Variants in TMEM132C observed in about 807,000 individuals in gnomAD.
TMEM132C encodes protein phosphatase 1, regulatory subunit 152.
In TMEM132C, 29 loss-of-function variants were observed where a neutral mutation model predicts 61.4. That is an observed-to-expected ratio of 0.47 (90% CI 0.35 to 0.64). The LOEUF is 0.64. Ranked by LOEUF, TMEM132C falls within the 30% of genes least tolerant of loss-of-function variation. TMEM132C has a pLI of 0.00. For synonymous variants in TMEM132C, 656 were observed against 633.1 expected (o/e 1.04, Z -0.54); for missense variants, 1,408 against 1,476.9 (o/e 0.95, Z 0.76).
intron 2 of TMEM132C, among the ~76,000 whole-genome samples, chr12:128,491,945 C>A (rs1005447632): frequency 5.3e-5 from 8 of 151,790 alleles, no homozygotes; most frequent in African/African-American, 1.9e-4. Context: ...TGGTATGCTG[C>A]ACCCATTAAC....
intron 1 of TMEM132C, among the ~76,000 whole-genome samples, chr12:128,269,490 A>G (rs1046057718): frequency 1.4e-4 from 21 of 152,130 alleles, no homozygotes; most frequent in African/African-American, 5.1e-4. Context: ...TTTGAAGCTG[A>G]TATTTGCACA....
intron 3 of TMEM132C, among the ~76,000 whole-genome samples, chr12:128,581,211 C>T (rs1465081733): frequency 1.3e-5 from 2 of 151,934 alleles, no homozygotes; most frequent in Non-Finnish European, 2.9e-5. Context: ...AGACGGAGTG[C>T]TCAGACCATA....
At chr12:128,327,416 A>G (rs1382777735) in intron 1 of TMEM132C, among the ~76,000 whole-genome samples, 1 of 149,102 alleles carries the variant, frequency 6.7e-6, no homozygotes, top group Non-Finnish European at 1.5e-5. Flanking sequence ...GGAGTCTCAC[A>G]CTTTCACCCA....
chr12:128,524,806 T>G (rs1175413140), intron 2 of TMEM132C, among the ~76,000 whole-genome samples: 1 of 152,198 alleles, frequency 6.6e-6, no homozygotes. Flanking sequence ...GTGGACGGAC[T>G]TAGGGTATAA....
At chr12:128,403,585 A>G (rs923999207) in intron 1 of TMEM132C, among the ~76,000 whole-genome samples, 3 of 152,214 alleles carry the variant, frequency 2.0e-5, no homozygotes, top group African/African-American at 7.2e-5. Flanking sequence ...AGCAACAACA[A>G]TTCCCAATTG....
intron 3 of TMEM132C, among the ~76,000 whole-genome samples, chr12:128,553,425 T>C (rs926225961): frequency 6.6e-6 from 1 of 152,254 alleles, no homozygotes; most frequent in Non-Finnish European, 1.5e-5. Context: ...TTACCATTAT[T>C]GCGTCCTGCC....
chr12:128,367,779 T>C (rs919918637), intron 1 of TMEM132C, among the ~76,000 whole-genome samples: 1 of 152,218 alleles, frequency 6.6e-6, no homozygotes, highest in Non-Finnish European at 1.5e-5. Flanking sequence ...TACATAGTGA[T>C]TACATGTTCA....
intron 2 of TMEM132C, among the ~76,000 whole-genome samples, chr12:128,498,078 G>A (rs1164829623): frequency 6.6e-6 from 1 of 152,124 alleles, no homozygotes; most frequent in Non-Finnish European, 1.5e-5. Context: ...GGGCTCATTA[G>A]GATCTAAAGT....
chr12:128,444,726 G>A (rs890622892), intron 2 of TMEM132C, among the ~76,000 whole-genome samples: 1 of 152,216 alleles, frequency 6.6e-6, no homozygotes, highest in African/African-American at 2.4e-5. Context: ...TTTGTTCTGA[G>A]CAAAGACTCA....
intron 3 of TMEM132C, 44 bp downstream of exon 3, chr12:128,544,147 G>A (rs150827897): frequency 2.7e-5 from 39 of 1,463,452 alleles, no homozygotes; most frequent in African/African-American, 2.0e-4. Flanking sequence ...TCCTGGTCCC[G>A]GGCCCAGGCC....
chr12:128,355,728 G>C (rs1396278168), intron 1 of TMEM132C, among the ~76,000 whole-genome samples: 1 of 151,534 alleles, frequency 6.6e-6, no homozygotes, highest in African/African-American at 2.4e-5. Context: ...TCCCTTAGAC[G>C]CTCAGGCAAG....
chr12:128,324,639 C>T (rs1223692080), intron 1 of TMEM132C, among the ~76,000 whole-genome samples: 1 of 152,168 alleles, frequency 6.6e-6, no homozygotes, highest in East Asian at 1.9e-4. Flanking sequence ...GCGGGACGAT[C>T]ACCTGAGCTC....
intron 5 of TMEM132C, among the ~76,000 whole-genome samples, chr12:128,679,702 G>A (rs1202786361): frequency 6.6e-6 from 1 of 152,172 alleles, no homozygotes; most frequent in East Asian, 1.9e-4. Flanking sequence ...CACGTACTAT[G>A]CTCTGGGGAT....
chr12:128,697,367 C>T lies in TMEM132C; in HGVS notation c.2073C>T (p.Ala691=), dbSNP rs562181064. The T allele has an allele frequency of 3.0e-5, 47 of 1,550,762 alleles. No individual in the cohort carries two copies. The highest frequency in any genetic ancestry group is 5.5e-5 in the African/African-American group (4 of 73,038). Residue 691 remains alanine (A), a synonymous_variant, in exon 8 of 9, where the codon GCC becomes GCT. Transcript: ENST00000435159. ...ACCCCAACGCAGAAAACAGCAAGGCCGTAACAGCTGTGGTCACAGCTGAGG... is the reference window on the plus strand; with the variant it reads ...ACCCCAACGCAGAAAACAGCAAGGCTGTAACAGCTGTGGTCACAGCTGAGG... ...ALYPNAENSK[A]VTAVVTAEEV... is the part of the protein sequence containing the mutation.
intron 2 of TMEM132C, among the ~76,000 whole-genome samples, chr12:128,518,786 C>A (rs1340194933): frequency 6.6e-6 from 1 of 151,796 alleles, no homozygotes; most frequent in South Asian, 2.1e-4. Flanking sequence ...TGCACAGGGA[C>A]ACACCCTTAT....
intron 3 of TMEM132C, among the ~76,000 whole-genome samples, chr12:128,614,942 A>C (rs1210313570): frequency 6.6e-6 from 1 of 152,202 alleles, no homozygotes; most frequent in East Asian, 1.9e-4. Context: ...ACCCCTCGGC[A>C]TGATGATGTG....
intron 2 of TMEM132C, among the ~76,000 whole-genome samples, chr12:128,514,361 A>G (rs1419702851): frequency 6.6e-6 from 1 of 152,190 alleles, no homozygotes; most frequent in Non-Finnish European, 1.5e-5. Context: ...ACACAGCTAA[A>G]CACAGGTGCT....
rs535842209 is a variant in TMEM132C, at chr12:128,517,383, C to T, written c.975-26574C>T. On this transcript the variant is annotated intron_variant, in intron 2 of 8. Transcript: ENST00000435159. Reference sequence around the variant, plus strand: ...CCAGGAGGCGAAGTTTGCAGTGAGCCGAGATCACACCACTGCACTTCAGCC... The same window carrying T: ...CCAGGAGGCGAAGTTTGCAGTGAGCTGAGATCACACCACTGCACTTCAGCC... 8.6e-4 allele frequency among the ~76,000 whole-genome samples: 130 copies of T among 151,758 alleles called. 1 individual carries two copies. Among genetic ancestry groups the T allele is most frequent in the Non-Finnish European group, 1.5e-3 (101 of 67,878 alleles).
chr12:128,342,669 A>AC (rs1215303673), intron 1 of TMEM132C, among the ~76,000 whole-genome samples: 1 of 152,158 alleles, frequency 6.6e-6, no homozygotes, highest in East Asian at 1.9e-4. Flanking sequence ...TCCTCTTCAG[A>AC]CCAGGTGGGT....
Sources: gnomAD v4.1 joint callset for allele counts (sites outside exome capture counted in the v4.1 genomes callset) on GRCh38, gnomAD v4.1.1 for gene constraint, MANE v1.5 for transcripts, NCBI Gene and HGNC (gene_info 2026-07-23, HGNC 2026-07-21) for gene names.